The following MGAT4B variants were observed in gnomAD, a reference collection of about 807,000 sequenced individuals.
The protein encoded by MGAT4B is alpha-1,3-mannosyl-glycoprotein 4-beta-N-acetylglucosaminyltransferase B.
A neutral mutation model predicts 73.9 loss-of-function variants in MGAT4B; 38 were observed. The ratio of observed to expected loss-of-function variants is 0.51; its 90% CI spans 0.40 to 0.67. MGAT4B has a LOEUF of 0.67. Ranked by LOEUF, MGAT4B falls within the 30% of genes least tolerant of loss-of-function variation. MGAT4B has a pLI of 0.00. For synonymous variants in MGAT4B, 373 were observed against 313.5 expected, an observed-to-expected ratio of 1.19 and a Z score of -2.01; for missense variants, 686 against 735.2, an observed-to-expected ratio of 0.93 and a Z score of 0.77.
Position 179,799,187 on chromosome 5 carries a change from G to A in MGAT4B, c.1149+16C>T, listed in dbSNP as rs370254588. The A allele has an allele frequency of 1.1e-4, 177 of 1,613,806 alleles. No individual in the cohort carries two copies. Among genetic ancestry groups the A allele is most frequent in the South Asian group, 2.0e-4 (18 of 91,094 alleles). On this transcript the variant is annotated intron_variant, in intron 10 of 14. Transcript: ENST00000292591. ...ACCTTGATCCCGGCCTAGGGAGAGC[G>A]TGCAGTGCAGCCCACCTTCAGTTTC...
In MGAT4B at chr5:179,801,201, T is replaced by C; in HGVS notation, c.558+133A>G. 5 of 1,348,264 alleles carry C rather than the reference T, an allele frequency of 3.7e-6. No individual in the cohort carries two copies. Among genetic ancestry groups the C allele is most frequent in the Non-Finnish European group, 5.0e-6 (5 of 1,007,738 alleles). 83.5% of individuals were successfully genotyped at this position (1,348,264 alleles called of 1,614,324 possible). On this transcript the variant is annotated intron_variant, in intron 4 of 14. Coordinates refer to ENST00000292591, the MANE Select transcript of MGAT4B (RefSeq NM_014275.5). The surrounding 1 kb of genome is among the most constrained non-coding windows in gnomAD (Gnocchi z 4.8). ...GCCAGAAAGCCCTTTCAACTTTCTA[T>C]CTCGGAGCATTTGCGAATGAAACTA...
Position 179,800,266 on chromosome 5 carries a change from G to GC in MGAT4B, c.720-8dup. The stretch of plus-strand genomic sequence containing the variant: ...GTTCTGTTTGGTCCTCCACCTGTGG[G>GC]CCGGGGCGGGGCCTCAGAAGTTCAG... On this transcript the variant is annotated splice_region_variant and splice_polypyrimidine_tract_variant and intron_variant, in intron 6 of 14. Coordinates refer to ENST00000292591, the MANE Select transcript of MGAT4B (RefSeq NM_014275.5). The GC allele has an allele frequency of 6.2e-7, 1 of 1,613,138 alleles. No homozygotes were observed. Among genetic ancestry groups the GC allele is most frequent in the East Asian group, 2.2e-5 (1 of 44,878 alleles).
At chr5:179,804,226 A>G (rs529996037) in intron 1 of MGAT4B, among the ~76,000 whole-genome samples, 2 of 152,244 alleles carry the variant, frequency 1.3e-5, no homozygotes, top group African/African-American at 2.4e-5. Context: ...ACTCAGGGAA[A>G]AGGGACAGGC....
Position 179,801,484 on chromosome 5 carries a change from C to G in MGAT4B, c.425-17G>C, listed in dbSNP as rs1006878741. ...CCACCGACACTATGGGGGACGGAGG[C>G]CCGACGCTGGAAAGGGTGCGGGGGC... On this transcript the variant is annotated splice_polypyrimidine_tract_variant and intron_variant, in intron 3 of 14. Coordinates refer to ENST00000292591, the MANE Select transcript of MGAT4B (RefSeq NM_014275.5). The surrounding 1 kb of genome is among the most constrained non-coding windows in gnomAD (Gnocchi z 4.8). The G allele has an allele frequency of 6.2e-7, 1 of 1,602,974 alleles. No homozygotes were observed. The highest frequency in any genetic ancestry group is 1.3e-5 in the African/African-American group (1 of 74,708).
intron 1 of MGAT4B, among the ~76,000 whole-genome samples, chr5:179,805,971 A>G (rs562266225): frequency 8.0e-6 from 1 of 124,726 alleles, no homozygotes; most frequent in South Asian, 2.8e-4. Context: ...GGGCTGCCTC[A>G]GGACGCCTCC....
Position 179,800,972 on chromosome 5 carries a change from C to T in MGAT4B, c.559-19G>A, listed in dbSNP as rs1238482198. 2 of 1,613,616 alleles carry T rather than the reference C, an allele frequency of 1.2e-6. No homozygotes were observed. The highest frequency in any genetic ancestry group is 8.5e-7 in the Non-Finnish European group (1 of 1,179,896). On this transcript the variant is annotated intron_variant, in intron 4 of 14. Transcript: ENST00000292591. Reference sequence around the variant, plus strand: ...AGTCAGTCTGTGGGGAGACCAAGCACCCTCCCTTAGCCCTGCTGCTGCCCC... The same window carrying T: ...AGTCAGTCTGTGGGGAGACCAAGCATCCTCCCTTAGCCCTGCTGCTGCCCC...
At chr5:179,805,594 G>A (rs555382266) in intron 1 of MGAT4B, among the ~76,000 whole-genome samples, 18 of 152,374 alleles carry the variant, frequency 1.2e-4, no homozygotes, top group Non-Finnish European at 1.8e-4. Flanking sequence ...GGTCCGGAAG[G>A]GTCCAGGTTC....
chr5:179,800,778 C>A, intron 5 of MGAT4B, 129 bp downstream of exon 5: 1 of 1,132,520 alleles, frequency 8.8e-7, no homozygotes. Flanking sequence ...ACCCACCCCT[C>A]CCCCACCAGG....
intron 1 of MGAT4B, chr5:179,802,286 A>C: frequency 7.1e-7 from 1 of 1,412,522 alleles, no homozygotes; most frequent in Non-Finnish European, 9.2e-7. Flanking sequence ...CAAGGGCTGG[A>C]ACAGCCTCAG....
intron 1 of MGAT4B, among the ~76,000 whole-genome samples, chr5:179,805,562 C>G (rs1386897170): frequency 2.0e-5 from 3 of 152,226 alleles, no homozygotes; most frequent in Admixed American, 1.3e-4. Context: ...CAGAGCTCGG[C>G]GTGGGTAGAT....
At chr5:179,802,318 G>A (rs904684516) in intron 1 of MGAT4B, 7 of 1,364,304 alleles carry the variant, frequency 5.1e-6, no homozygotes, top group Non-Finnish European at 1.9e-6. Flanking sequence ...TCCATCCGTT[G>A]GCCTCCAAAG....
chr5:179,801,568 TGGCCCACGCGCACCGCG>T lies in MGAT4B; in HGVS notation c.393_409del (p.Ala132GlyfsTer24). 1 of 1,608,750 alleles carries T rather than the reference TGGCCCACGCGCACCGCG, an allele frequency of 6.2e-7. No individual in the cohort carries two copies. The highest frequency in any genetic ancestry group is 8.5e-7 in the Non-Finnish European group (1 of 1,178,316). On this transcript the variant is annotated frameshift_variant, in exon 3 of 15. Transcript: ENST00000292591. LOFTEE classifies it high-confidence loss of function. This position sits in a 1 kb window ranked among gnomAD's most constrained non-coding sequence, Gnocchi z 4.8. The stretch of plus-strand genomic sequence containing the variant: ...TGCGCCCATACCTCCGGTGCGGCCC[TGGCCCACGCGCACCGCG>T]GGCTGCAGACTGCTCTCCTTGGCCA...
intron 8 of MGAT4B, 104 bp from the exon 9 acceptor site, chr5:179,799,740 G>C: frequency 6.5e-7 from 1 of 1,548,782 alleles, no homozygotes; most frequent in Admixed American, 1.7e-5. Flanking sequence ...GCTTCAGGCA[G>C]GTGTGGGCAT....
rs192627568 is a variant in MGAT4B, at chr5:179,799,584, C to T, written c.963G>A (p.Met321Ile). 6 of 1,613,990 alleles carry T rather than the reference C, an allele frequency of 3.7e-6. No individual in the cohort carries two copies. Among genetic ancestry groups the T allele is most frequent in the Admixed American group, 3.3e-5 (2 of 60,026 alleles). ...DLSLIVEFIL[M>I]FYRDKPIDWL... ...AGTCGATGGGCTTGTCCCGGTAGAA[C>T]ATGAGAATGAACTCTACAATCAGGC... The change falls in exon 9 of 15, where the codon ATG becomes ATA. Residue 321 changes from methionine (M) to isoleucine (I), a missense_variant. This residue lies in a region of MGAT4B where 449 missense variants were observed against 536.8 expected (regional missense o/e 0.84). Coordinates refer to ENST00000292591, the MANE Select transcript of MGAT4B (RefSeq NM_014275.5).
intron 1 of MGAT4B, among the ~76,000 whole-genome samples, chr5:179,805,892 G>A (rs1439290350): frequency 2.0e-5 from 3 of 152,172 alleles, no homozygotes; most frequent in Non-Finnish European, 4.4e-5. Flanking sequence ...GAGGGCGGGG[G>A]CCAGCCCGGG....
In MGAT4B at chr5:179,806,572, G is replaced by A; in HGVS notation, c.12C>T (p.Arg4=). The change falls in exon 1 of 15, where the codon CGC becomes CGT. Residue 4 remains arginine (R), a synonymous_variant. Coordinates refer to ENST00000292591, the MANE Select transcript of MGAT4B (RefSeq NM_014275.5). This position sits in a 1 kb window ranked among gnomAD's most constrained non-coding sequence, Gnocchi z 4.6. MRL[R]NGTFLTLLLF... ...GCAGCAGCGTCAGGAAGGTGCCATT[G>A]CGGAGCCTCATCTCCTCGGGTGCGC... is the stretch of plus-strand genomic sequence containing the variant. 1 of 1,291,098 alleles carries A rather than the reference G, an allele frequency of 7.7e-7. No individual in the cohort carries two copies. The allele number at this position is 1,291,098 out of a possible 1,614,324, so 80.0% of individuals were successfully genotyped here.
At position 179,806,456 on chromosome 5, in the gene MGAT4B, C is replaced by A. The variant is rs200371423; in HGVS notation, c.97+31G>T. ...TCCCGCCGCCGACGCCCAGGTGCGCCAGGTGCGGGCCGGGCGGGGGTCGCG... is the reference window on the plus strand; with the variant it reads ...TCCCGCCGCCGACGCCCAGGTGCGCAAGGTGCGGGCCGGGCGGGGGTCGCG... On this transcript the variant is annotated intron_variant, in intron 1 of 14. Transcript: ENST00000292591. This position sits in a 1 kb window ranked among gnomAD's most constrained non-coding sequence, Gnocchi z 4.6. The A allele has an allele frequency of 3.3e-6, 4 of 1,220,284 alleles. No homozygotes were observed. The highest frequency in any genetic ancestry group is 4.2e-6 in the Non-Finnish European group (4 of 955,038). 75.6% of individuals were successfully genotyped at this position (1,220,284 alleles called of 1,614,324 possible).
rs1255994919 is a variant in MGAT4B, at chr5:179,801,820, C to T, written c.247G>A (p.Asp83Asn). 18 of 1,603,692 alleles carry T rather than the reference C, an allele frequency of 1.1e-5. No individual in the cohort carries two copies. Among genetic ancestry groups the T allele is most frequent in the Non-Finnish European group, 1.5e-5 (18 of 1,172,474 alleles). The stretch of plus-strand genomic sequence containing the variant: ...CCCCAGGTGCGATTGCCGTCTCCGT[C>T]TCGCAGCGCCTGCCTTTCTGACACG... ...RAVSERQALR[D>N]GDGNRTWGRL... is the part of the protein sequence containing the mutation. The change falls in exon 2 of 15, where the codon GAC (aspartate) becomes AAC (asparagine). Residue 83 changes from aspartate to asparagine, a missense_variant. Asp to Asn is a conservative substitution (Grantham distance 23). Transcript: ENST00000292591. The surrounding 1 kb of genome is among the most constrained non-coding windows in gnomAD (Gnocchi z 4.8).
chr5:179,800,012 T>C lies in MGAT4B; in HGVS notation c.852A>G (p.Ala284=), dbSNP rs1756836106. Residue 284 remains alanine, a synonymous_variant, in exon 8 of 15, where the codon GCA becomes GCG. Transcript: ENST00000292591. ...TCCAGTCCTCTGAAGGCTGCTGCAG[T>C]GCAAAGTTCTTCATGGTGCTCAGGT... ...PNYLSTMKNF[A]LQQPSEDWMI... is the part of the protein sequence containing the mutation. 4 of 1,613,904 alleles carry C rather than the reference T, an allele frequency of 2.5e-6. No individual in the cohort carries two copies. The Admixed American group carries it at 5.0e-5, about 20-fold the overall frequency.
Sources: allele counts gnomAD v4.1 joint callset (sites outside exome capture counted in the v4.1 genomes callset), GRCh38; gene constraint gnomAD v4.1.1; regional missense constraint gnomAD v4.1.1; non-coding constraint Gnocchi (gnomAD v3.1); transcripts MANE v1.5; gene names NCBI Gene and HGNC (gene_info 2026-07-23, HGNC 2026-07-21).